RAD51B: variants seen among roughly 807,000 people sequenced by gnomAD.
The protein encoded by RAD51B is RAD51 paralog B.
In RAD51B, 38 loss-of-function variants were observed where a neutral mutation model predicts 42.2. The observed-to-expected ratio is 0.90, with a 90% CI of 0.70 to 1.18. The LOEUF (loss-of-function observed/expected upper bound fraction) is 1.18. Ranked by LOEUF, RAD51B falls within the 50% of genes most tolerant of loss-of-function variation. The pLI, the probability that RAD51B is intolerant of heterozygous loss-of-function variation, is 0.00. For missense variants in RAD51B, 373 were observed against 400.7 expected (o/e 0.93, Z 0.59); for synonymous variants, 154 against 145.2 (o/e 1.06, Z -0.43).
chr14:68,478,689 A>T (rs553078995), downstream of RAD51B, among the ~76,000 whole-genome samples: 15 of 152,346 alleles, frequency 9.8e-5, no homozygotes, highest in South Asian at 2.1e-4. Flanking sequence ...ATCACTTTGT[A>T]CCTGCTCCTC....
intron 10 of RAD51B, among the ~76,000 whole-genome samples, chr14:68,469,616 A>G (rs759184563): frequency 1.3e-5 from 2 of 152,244 alleles, no homozygotes; most frequent in African/African-American, 4.8e-5. Flanking sequence ...TCTTTGTTAC[A>G]TACTCTCTAC....
At chr14:67,935,994 T>C (rs977091156) in intron 7 of RAD51B, among the ~76,000 whole-genome samples, 3 of 152,232 alleles carry the variant, frequency 2.0e-5, no homozygotes, top group Admixed American at 6.5e-5. Flanking sequence ...AAAATAGATG[T>C]CATTTTATTA....
At chr14:67,895,201 G>A (rs898984824) in intron 7 of RAD51B, among the ~76,000 whole-genome samples, 5 of 152,226 alleles carry the variant, frequency 3.3e-5, no homozygotes, top group African/African-American at 1.2e-4. Context: ...AAGGCCAGTT[G>A]TAGCTCTTAG....
chr14:67,862,049 A>G lies in RAD51B; in HGVS notation c.316-2954A>G, dbSNP rs1046601106. ...CAAGTTTGTTAGACAGTAGGAATAAATTTTGGTGATTTATTTTACAGCATG... is the reference window on the plus strand; with the variant it reads ...CAAGTTTGTTAGACAGTAGGAATAAGTTTTGGTGATTTATTTTACAGCATG... On this transcript the variant is annotated intron_variant, in intron 4 of 10. Transcript: ENST00000471583. Among the ~76,000 whole-genome samples, 37 of 152,244 alleles carry G rather than the reference A, an allele frequency of 2.4e-4. No individual in the cohort carries two copies. The East Asian group carries it at 4.8e-3, about 20-fold the overall frequency.
chr14:67,939,469 C>A (rs1239100571), intron 7 of RAD51B, among the ~76,000 whole-genome samples: 2 of 151,932 alleles, frequency 1.3e-5, no homozygotes, highest in Non-Finnish European at 2.9e-5. Context: ...ATGTTAAGAA[C>A]TTCTTTAAAA....
At chr14:68,481,548 T>C (rs1883180822), downstream of RAD51B, among the ~76,000 whole-genome samples, 1 of 152,212 alleles carries the variant, frequency 6.6e-6, no homozygotes, top group Non-Finnish European at 1.5e-5. Context: ...GCCTCTGATA[T>C]GGAGCACTTG....
chr14:68,241,472 G>A (rs990670615), intron 7 of RAD51B, among the ~76,000 whole-genome samples: 1 of 152,122 alleles, frequency 6.6e-6, no homozygotes, highest in Non-Finnish European at 1.5e-5. Flanking sequence ...AACCCAGGAG[G>A]CCGAGCTTGC....
chr14:68,417,642 GT>G (rs1205251880), intron 9 of RAD51B, among the ~76,000 whole-genome samples: 3 of 152,212 alleles, frequency 2.0e-5, no homozygotes, highest in Non-Finnish European at 4.4e-5. Flanking sequence ...TGTGGTCCCA[GT>G]GAATGAATAC....
intron 9 of RAD51B, among the ~76,000 whole-genome samples, chr14:68,457,750 C>A (rs1421650528): frequency 6.6e-6 from 1 of 151,374 alleles, no homozygotes; most frequent in Non-Finnish European, 1.5e-5. Flanking sequence ...AGGCACGTGC[C>A]ACCACGCCCA....
chr14:68,248,413 G>C (rs886408112), intron 7 of RAD51B, among the ~76,000 whole-genome samples: 1 of 151,898 alleles, frequency 6.6e-6, no homozygotes, highest in African/African-American at 2.4e-5. Context: ...AAGGGCTGTT[G>C]TAATTGTTGG....
chr14:68,661,866 G>C (rs1236700167), intron 11 of RAD51B, among the ~76,000 whole-genome samples: 1 of 152,152 alleles, frequency 6.6e-6, no homozygotes, highest in Non-Finnish European at 1.5e-5. Flanking sequence ...ATCACCCAGT[G>C]GTCTTTGTAC....
intron 7 of RAD51B, among the ~76,000 whole-genome samples, chr14:68,151,332 G>A (rs1309724664): frequency 6.6e-6 from 1 of 151,468 alleles, no homozygotes; most frequent in African/African-American, 2.4e-5. Flanking sequence ...TGTTGTTTTT[G>A]AGATTTTCTT....
chr14:68,177,283 A>G (rs1482012324), intron 7 of RAD51B, among the ~76,000 whole-genome samples: 1 of 152,192 alleles, frequency 6.6e-6, no homozygotes, highest in Non-Finnish European at 1.5e-5. Flanking sequence ...GTATAAGCCT[A>G]TGACTGCTCA....
chr14:68,032,698 T>C (rs2076066164), intron 7 of RAD51B, among the ~76,000 whole-genome samples: 1 of 152,224 alleles, frequency 6.6e-6, no homozygotes, highest in Non-Finnish European at 1.5e-5. Flanking sequence ...TTTGCCACAC[T>C]ATTCCATACT....
At chr14:68,650,669 T>G in intron 10 of RAD51B, 1 of 631,592 alleles carries the variant, frequency 1.6e-6, no homozygotes, top group Admixed American at 2.6e-5. Flanking sequence ...TCAAAACAAC[T>G]AGTTTCTCAG....
intron 7 of RAD51B, among the ~76,000 whole-genome samples, chr14:67,898,222 C>T (rs1319190118): frequency 6.6e-6 from 1 of 152,098 alleles, no homozygotes; most frequent in Non-Finnish European, 1.5e-5. Flanking sequence ...TATACACACA[C>T]AATGATATAT....
chr14:68,552,336 A>G (rs1888618205), intron 10 of RAD51B, among the ~76,000 whole-genome samples: 1 of 152,182 alleles, frequency 6.6e-6, no homozygotes, highest in Non-Finnish European at 1.5e-5. Context: ...TGCCCCATAT[A>G]TTGCAGGGTG....
At chr14:68,562,936 T>C in intron 10 of RAD51B, 1 of 985,428 alleles carries the variant, frequency 1.0e-6, no homozygotes, top group Non-Finnish European at 1.2e-6. Context: ...ATGGACCATG[T>C]ATTGCTACAA....
intron 7 of RAD51B, 40 bp downstream of exon 7, chr14:67,887,244 T>G (rs763766656): frequency 4.0e-6 from 6 of 1,486,922 alleles, no homozygotes; most frequent in Non-Finnish European, 5.5e-6. Flanking sequence ...TTTCCTTTCT[T>G]TTGTTTCTTT....
Sources: allele counts gnomAD v4.1 joint callset (sites outside exome capture counted in the v4.1 genomes callset), GRCh38; gene constraint gnomAD v4.1.1; transcripts MANE v1.5; gene names NCBI Gene and HGNC (gene_info 2026-07-23, HGNC 2026-07-21).